The following KIAA1217 variants were observed in gnomAD, a reference collection of about 807,000 sequenced individuals.
KIAA1217 encodes KIAA1217, also known as sickle tail protein homolog.
A neutral mutation model predicts 163.9 loss-of-function variants in KIAA1217; 88 were observed. The observed-to-expected ratio is 0.54, with a 90% confidence interval of 0.45 to 0.64. The LOEUF is 0.64. Among genes scored for constraint, KIAA1217 ranks in the 30% least tolerant of loss-of-function variants. The pLI is 0.00. For synonymous variants in KIAA1217, 903 were observed against 923.1 expected, an observed-to-expected ratio of 0.98 and a Z score of 0.39; for missense variants, 2,372 against 2,475.0, an observed-to-expected ratio of 0.96 and a Z score of 0.88.
chr10:24,338,983 T>C (rs2046732707), intron 2 of KIAA1217, among the ~76,000 whole-genome samples: 1 of 152,230 alleles, frequency 6.6e-6, no homozygotes, highest in Non-Finnish European at 1.5e-5. Context: ...AAATCCTGGT[T>C]TATGCATGAA....
intron 2 of KIAA1217, chr10:24,158,282 CT>C: frequency 1.4e-6 from 1 of 711,096 alleles, no homozygotes; most frequent in Middle Eastern, 3.9e-4. Context: ...ACATTTTCTC[CT>C]TCCCGGTTGG....
intron 1 of KIAA1217, among the ~76,000 whole-genome samples, chr10:23,991,575 TA>T (rs1564593159): frequency 2.0e-5 from 3 of 152,172 alleles, no homozygotes; most frequent in African/African-American, 7.2e-5. Flanking sequence ...AACTGGACTG[TA>T]AAATGGGGTA....
chr10:23,798,849 C>T (rs1286015363), intron 1 of KIAA1217, among the ~76,000 whole-genome samples: 1 of 152,148 alleles, frequency 6.6e-6, no homozygotes, highest in Non-Finnish European at 1.5e-5. Context: ...GAGATGGTGC[C>T]AGAGAGAAAA....
At chr10:23,942,888 A>G (rs1312145871) in intron 1 of KIAA1217, among the ~76,000 whole-genome samples, 1 of 151,592 alleles carries the variant, frequency 6.6e-6, no homozygotes, top group Admixed American at 6.6e-5. Context: ...TGAGAGCATC[A>G]CTTGAGGCCA....
intron 3 of KIAA1217, among the ~76,000 whole-genome samples, chr10:24,429,864 C>T (rs576020816): frequency 1.3e-5 from 2 of 152,232 alleles, no homozygotes; most frequent in East Asian, 3.9e-4. Flanking sequence ...TTTGTCAGGC[C>T]AGACATGGTA....
chr10:23,861,682 C>G (rs558918080), intron 1 of KIAA1217, among the ~76,000 whole-genome samples: 1 of 152,128 alleles, frequency 6.6e-6, no homozygotes. Flanking sequence ...GCCAATAGGA[C>G]GAGGATGCAG....
chr10:23,935,460 C>T (rs1564546791), intron 1 of KIAA1217, among the ~76,000 whole-genome samples: 2 of 152,204 alleles, frequency 1.3e-5, no homozygotes, highest in African/African-American at 4.8e-5. Context: ...GCTCTGATTT[C>T]ACCTGAAATT....
intron 2 of KIAA1217, among the ~76,000 whole-genome samples, chr10:24,142,071 T>G (rs1196917895): frequency 1.5e-5 from 2 of 132,440 alleles, no homozygotes; most frequent in Non-Finnish European, 3.4e-5. Context: ...GAGATTTTTT[T>G]GTTTTTTTTT....
intron 2 of KIAA1217, among the ~76,000 whole-genome samples, chr10:24,344,727 T>A (rs369769568): frequency 2.0e-5 from 3 of 152,212 alleles, no homozygotes; most frequent in East Asian, 3.9e-4. Context: ...TCTCCTTATT[T>A]GTACATGTTA....
At chr10:24,392,831 A>G (rs372912908) in intron 3 of KIAA1217, among the ~76,000 whole-genome samples, 44 of 152,292 alleles carry the variant, frequency 2.9e-4, no homozygotes, top group African/African-American at 1.0e-3. Context: ...GAGGAAAAAG[A>G]TTTTGTTTAT....
chr10:23,732,357 A>G (rs1838523447), intron 1 of KIAA1217, among the ~76,000 whole-genome samples: 1 of 152,202 alleles, frequency 6.6e-6, no homozygotes, highest in Non-Finnish European at 1.5e-5. Flanking sequence ...AAAAAAACCC[A>G]AAACAACAAA....
intron 3 of KIAA1217, among the ~76,000 whole-genome samples, chr10:24,408,302 AAATCATGAGCTATC>A (rs2057422188): frequency 6.6e-6 from 1 of 152,184 alleles, no homozygotes. Flanking sequence ...GTGGGAAAAT[AAATCATGAGCTATC>A]AACCCACCCT....
At chr10:23,852,836 G>A (rs1486416263) in intron 1 of KIAA1217, among the ~76,000 whole-genome samples, 1 of 152,148 alleles carries the variant, frequency 6.6e-6, no homozygotes, top group Non-Finnish European at 1.5e-5. Flanking sequence ...TGGTGTATAA[G>A]AATGCTTGTG....
intron 1 of KIAA1217, among the ~76,000 whole-genome samples, chr10:23,828,795 T>G (rs1183875762): frequency 6.6e-6 from 1 of 152,198 alleles, no homozygotes; most frequent in Admixed American, 6.5e-5. Context: ...TGCATGTAAT[T>G]ATTAGAAACT....
intron 2 of KIAA1217, among the ~76,000 whole-genome samples, chr10:24,320,917 G>A (rs1054495814): frequency 1.3e-5 from 2 of 151,974 alleles, no homozygotes; most frequent in Admixed American, 1.3e-4. Flanking sequence ...TGTGGTGGCA[G>A]GTGCCTGTAG....
chr10:24,179,014 A>T (rs910753424), intron 2 of KIAA1217, among the ~76,000 whole-genome samples: 3 of 152,204 alleles, frequency 2.0e-5, no homozygotes, highest in African/African-American at 7.2e-5. Context: ...TTACCCTCTT[A>T]GATTCAGTGG....
chr10:24,391,784 C>T (rs945670969), intron 3 of KIAA1217, among the ~76,000 whole-genome samples: 8 of 152,158 alleles, frequency 5.3e-5, no homozygotes, highest in Non-Finnish European at 1.2e-4. Context: ...GGAAAGGTAA[C>T]ATATTTCCAA....
chr10:24,012,851 C>A (rs1458511945), intron 2 of KIAA1217, among the ~76,000 whole-genome samples: 1 of 152,098 alleles, frequency 6.6e-6, no homozygotes, highest in Non-Finnish European at 1.5e-5. Flanking sequence ...GTAGAAAATA[C>A]ACCTTTTTAT....
At chr10:24,130,286 A>G (rs2063606737) in intron 2 of KIAA1217, among the ~76,000 whole-genome samples, 2 of 152,176 alleles carry the variant, frequency 1.3e-5, no homozygotes, top group Admixed American at 1.3e-4. Flanking sequence ...TTGAAGTGCT[A>G]CTAGCTTCAA....
Sources: allele counts gnomAD v4.1 joint callset (sites outside exome capture counted in the v4.1 genomes callset), GRCh38; gene constraint gnomAD v4.1.1; transcripts MANE v1.5; gene names NCBI Gene and HGNC (gene_info 2026-07-23, HGNC 2026-07-21).